Variants in CMSS1 observed in about 807,000 individuals in gnomAD.
The protein encoded by CMSS1 is protein CMSS1.
In CMSS1, 33 loss-of-function variants were observed where a neutral mutation model predicts 43.5. That is an observed-to-expected ratio of 0.76 (90% CI 0.57 to 1.01). CMSS1 has a LOEUF of 1.01. Among genes scored for constraint, CMSS1 ranks in the 50% least tolerant of loss-of-function variants. The pLI, the probability that CMSS1 is intolerant of heterozygous loss-of-function variation, is 0.00. For synonymous variants in CMSS1, 115 were observed against 117.2 expected (o/e 0.98, Z 0.12); for missense variants, 313 against 326.4 (o/e 0.96, Z 0.32).
intron 1 of CMSS1, among the ~76,000 whole-genome samples, chr3:100,055,934 A>T (rs2065457058): frequency 6.6e-6 from 1 of 152,128 alleles, no homozygotes; most frequent in Admixed American, 6.5e-5. Context: ...TTCTGATAGG[A>T]TAGATTGTAT....
chr3:100,007,323 A>G (rs1416820769), intron 1 of CMSS1, among the ~76,000 whole-genome samples: 1 of 152,184 alleles, frequency 6.6e-6, no homozygotes, highest in African/African-American at 2.4e-5. Flanking sequence ...TTGACTAGAA[A>G]ACTAGTCCAT....
At chr3:99,926,161 A>G (rs1363896903) in intron 1 of CMSS1, among the ~76,000 whole-genome samples, 5 of 152,266 alleles carry the variant, frequency 3.3e-5, no homozygotes, top group Non-Finnish European at 7.3e-5. Flanking sequence ...CTAGAAATGT[A>G]CTTGACTAGA....
chr3:100,115,359 T>C (rs1006590788), intron 1 of CMSS1, among the ~76,000 whole-genome samples: 2 of 152,210 alleles, frequency 1.3e-5, no homozygotes, highest in Admixed American at 1.3e-4. Flanking sequence ...TCACAGATGA[T>C]AGATATAAGA....
At chr3:99,993,261 G>C (rs967928063) in intron 1 of CMSS1, among the ~76,000 whole-genome samples, 3 of 151,842 alleles carry the variant, frequency 2.0e-5, no homozygotes, top group Admixed American at 1.3e-4. Context: ...TAATAATATT[G>C]ATTCTTCAAT....
intron 1 of CMSS1, among the ~76,000 whole-genome samples, chr3:100,080,699 A>G (rs1224947427): frequency 6.6e-6 from 1 of 152,236 alleles, no homozygotes; most frequent in Non-Finnish European, 1.5e-5. Context: ...TCACATGATT[A>G]GAATCGATGC....
chr3:99,944,294 G>A (rs1238565199), intron 1 of CMSS1, among the ~76,000 whole-genome samples: 1 of 152,104 alleles, frequency 6.6e-6, no homozygotes, highest in Non-Finnish European at 1.5e-5. Flanking sequence ...GAGGTGATAG[G>A]GAACTATGAT....
chr3:100,069,619 C>G lies in CMSS1; in HGVS notation c.65-77354C>G, dbSNP rs9870654. 4.3e-3 allele frequency among the ~76,000 whole-genome samples: 662 copies of G among 152,236 alleles called. 4 individuals carry two copies. The highest frequency in any genetic ancestry group is 0.015 in the African/African-American group (620 of 41,550). Reference sequence around the variant, plus strand: ...CCTGAGGCACCAGACAGTTTATACTCTTAAGAATTTTCACTGCTTTTCACA... The same window carrying G: ...CCTGAGGCACCAGACAGTTTATACTGTTAAGAATTTTCACTGCTTTTCACA... On this transcript the variant is annotated intron_variant, in intron 1 of 9. Transcript: ENST00000421999.
In CMSS1 at chr3:99,930,035, G is replaced by A. The variant is rs1482512518; in HGVS notation, c.64+111992G>A. ...CCTATGACCTCATCTCGAGCCTGTA[G>A]GAACAAAAAGTATTTCAGAAAGCCT... On this transcript the variant is annotated intron_variant, in intron 1 of 9. Coordinates refer to ENST00000421999, the MANE Select transcript of CMSS1 (RefSeq NM_032359.4). 5 of 1,589,268 alleles carry A rather than the reference G, an allele frequency of 3.1e-6. No homozygotes were observed. The South Asian group carries it at 4.6e-5, about 15-fold the overall frequency.
chr3:99,948,174 A>C (rs533042887), intron 1 of CMSS1, among the ~76,000 whole-genome samples: 1 of 152,312 alleles, frequency 6.6e-6, no homozygotes, highest in African/African-American at 2.4e-5. Context: ...ACAGTATACC[A>C]AAAACTAAAA....
At chr3:100,027,008 C>A (rs2064935793) in intron 1 of CMSS1, among the ~76,000 whole-genome samples, 1 of 152,144 alleles carries the variant, frequency 6.6e-6, no homozygotes, top group African/African-American at 2.4e-5. Context: ...TCCTTGTGAC[C>A]TTTGTCCTTG....
At position 100,106,773 on chromosome 3, in the gene CMSS1, G is replaced by A. The variant is rs149851512; in HGVS notation, c.65-40200G>A. ...TCACTCAAATTGTGTCTAACTGGTG[G>A]TTGTACTACTCCTAACCTAATGCCC... On this transcript the variant is annotated intron_variant, in intron 1 of 9. Coordinates refer to ENST00000421999, the MANE Select transcript of CMSS1 (RefSeq NM_032359.4). 2.8e-3 allele frequency among the ~76,000 whole-genome samples: 421 copies of A among 152,230 alleles called. 3 individuals carry two copies. Among genetic ancestry groups the A allele is most frequent in the African/African-American group, 9.5e-3 (396 of 41,546 alleles).
At chr3:99,995,981 G>C (rs950014789) in intron 1 of CMSS1, among the ~76,000 whole-genome samples, 6 of 152,202 alleles carry the variant, frequency 3.9e-5, no homozygotes, top group African/African-American at 1.4e-4. Flanking sequence ...CCATTGTCTT[G>C]GTGATTAACA....
At chr3:100,141,381 C>T in intron 1 of CMSS1, 1 of 240,596 alleles carries the variant, frequency 4.2e-6, no homozygotes, top group South Asian at 4.7e-5. Context: ...TGCTCCCAGC[C>T]ATCCAGCACT....
chr3:100,165,265 T>C (rs2067056863), intron 4 of CMSS1, among the ~76,000 whole-genome samples: 1 of 152,232 alleles, frequency 6.6e-6, no homozygotes, highest in South Asian at 2.1e-4. Flanking sequence ...ATGAGTTATA[T>C]GTGCTGGGTC....
chr3:100,021,958 T>TGAGAGAGA (rs1466622023), intron 1 of CMSS1, among the ~76,000 whole-genome samples: 55 of 94,932 alleles, frequency 5.8e-4, no homozygotes, highest in South Asian at 1.2e-3. Flanking sequence ...TGTGTGTGTG[T>TGAGAGAGA]GTGAGAGAGA....
At chr3:99,820,616 A>G (rs751910935) in intron 1 of CMSS1, among the ~76,000 whole-genome samples, 4 of 152,206 alleles carry the variant, frequency 2.6e-5, no homozygotes, top group African/African-American at 4.8e-5. Flanking sequence ...TTCACTGGCA[A>G]TTTGCCTAAT....
chr3:99,833,685 C>T (rs2107489695), intron 1 of CMSS1, among the ~76,000 whole-genome samples: 1 of 152,332 alleles, frequency 6.6e-6, no homozygotes, highest in Non-Finnish European at 1.5e-5. Flanking sequence ...AGTGTTTTCT[C>T]AGGAGCGGTC....
At chr3:99,915,618 G>C (rs954848299) in intron 1 of CMSS1, among the ~76,000 whole-genome samples, 5 of 151,768 alleles carry the variant, frequency 3.3e-5, no homozygotes, top group Non-Finnish European at 5.9e-5. Context: ...GAAGAAATGA[G>C]TCTTAATGGT....
intron 1 of CMSS1, among the ~76,000 whole-genome samples, chr3:99,991,975 CAT>C (rs540559987): frequency 4.2e-4 from 62 of 146,508 alleles, no homozygotes; most frequent in African/African-American, 1.2e-3. Flanking sequence ...TATATACACA[CAT>C]ATATGTGTAT....
Sources: gnomAD v4.1 joint callset for allele counts (sites outside exome capture counted in the v4.1 genomes callset) on GRCh38, gnomAD v4.1.1 for gene constraint, MANE v1.5 for transcripts, NCBI Gene and HGNC (gene_info 2026-07-23, HGNC 2026-07-21) for gene names.